Variants in PATJ observed in about 807,000 individuals in gnomAD.
PATJ encodes the protein inaD-like protein.
In PATJ, 190 loss-of-function variants were observed where a neutral mutation model predicts 224.9. That is an observed-to-expected ratio of 0.84 (90% CI 0.75 to 0.95). The LOEUF is 0.95. Among genes scored for constraint, PATJ ranks in the 40% least tolerant of loss-of-function variants. PATJ has a pLI of 0.00. For synonymous variants in PATJ, 769 were observed against 820.3 expected (o/e 0.94, Z 1.07); for missense variants, 2,121 against 2,270.3 (o/e 0.93, Z 1.34).
At chr1:62,146,395 T>C (rs1033960251) in intron 41 of PATJ, among the ~76,000 whole-genome samples, 51 of 152,116 alleles carry the variant, frequency 3.4e-4, no homozygotes, top group African/African-American at 1.2e-3. Flanking sequence ...ATCTGCTCCA[T>C]TGTAACAGAA....
At chr1:61,968,467 G>A (rs1286476433) in intron 27 of PATJ, among the ~76,000 whole-genome samples, 1 of 152,062 alleles carries the variant, frequency 6.6e-6, no homozygotes, top group Non-Finnish European at 1.5e-5. Context: ...CATTTTAAGT[G>A]TACAGTTTAG....
chr1:62,151,521 G>A (rs1668632371), intron 42 of PATJ, among the ~76,000 whole-genome samples: 1 of 152,198 alleles, frequency 6.6e-6, no homozygotes, highest in Non-Finnish European at 1.5e-5. Flanking sequence ...AACCCAGGAG[G>A]CAGAGCTTGC....
At chr1:61,975,056 C>A (rs1442562880) in intron 27 of PATJ, among the ~76,000 whole-genome samples, 1 of 151,968 alleles carries the variant, frequency 6.6e-6, no homozygotes, top group Non-Finnish European at 1.5e-5. Context: ...GCAATCCTCC[C>A]ACTTCAGCCT....
At chr1:61,985,761 G>A (rs12093294) in intron 27 of PATJ, among the ~76,000 whole-genome samples, 41,064 of 151,780 alleles carry the variant, frequency 0.27, 5,950 homozygotes, top group East Asian at 0.45. Context: ...AATGGTTCCC[G>A]CCAGAGGACT....
intron 22 of PATJ, among the ~76,000 whole-genome samples, chr1:61,885,559 A>G (rs1668699471): frequency 6.6e-6 from 1 of 152,124 alleles, no homozygotes; most frequent in Non-Finnish European, 1.5e-5. Context: ...AGAAATAGGA[A>G]CACTTTTACA....
chr1:61,760,614 TTTTTC>T (rs1282649757), intron 1 of PATJ, among the ~76,000 whole-genome samples: 2 of 139,548 alleles, frequency 1.4e-5, no homozygotes, highest in African/African-American at 2.7e-5. Context: ...TTTCTTTTTC[TTTTTC>T]TTTTTTTTTT....
At chr1:62,125,285 T>A (rs1029058460) in intron 39 of PATJ, among the ~76,000 whole-genome samples, 1 of 137,496 alleles carries the variant, frequency 7.3e-6, no homozygotes, top group Non-Finnish European at 1.5e-5. Flanking sequence ...CGCCATTAGC[T>A]CTATAATAGT....
intron 24 of PATJ, among the ~76,000 whole-genome samples, chr1:61,907,989 T>C (rs1411069489): frequency 2.6e-5 from 4 of 152,216 alleles, no homozygotes; most frequent in Non-Finnish European, 4.4e-5. Flanking sequence ...CTGAGCTTAA[T>C]GGAGAGATGA....
At chr1:61,992,100 A>G (rs944107135) in intron 28 of PATJ, among the ~76,000 whole-genome samples, 2 of 149,074 alleles carry the variant, frequency 1.3e-5, no homozygotes, top group East Asian at 2.0e-4. Flanking sequence ...AAAGTATACT[A>G]TGTTCCCTGT....
At chr1:62,062,392 CTTTT>C (rs60747316) in intron 31 of PATJ, among the ~76,000 whole-genome samples, 193 of 28,448 alleles carry the variant, frequency 6.8e-3, no homozygotes, top group Non-Finnish European at 8.5e-3. Context: ...ATGTTGTCTT[CTTTT>C]TTTTTTTTTT....
At chr1:62,019,441 C>A (rs1570096589) in intron 29 of PATJ, among the ~76,000 whole-genome samples, 1 of 151,834 alleles carries the variant, frequency 6.6e-6, no homozygotes, top group Non-Finnish European at 1.5e-5. Flanking sequence ...GCATCTTGAA[C>A]TCAGGAGGCA....
intron 42 of PATJ, among the ~76,000 whole-genome samples, chr1:62,152,030 G>C (rs115111273): frequency 6.6e-6 from 1 of 151,300 alleles, no homozygotes; most frequent in African/African-American, 2.4e-5. Context: ...TCTCCATTTT[G>C]TTTCACCTTG....
intron 3 of PATJ, 57 bp from the exon 4 acceptor site, chr1:61,766,222 A>G: frequency 8.3e-7 from 1 of 1,202,484 alleles, no homozygotes; most frequent in Non-Finnish European, 1.2e-6. Context: ...TATATTTAAT[A>G]AATAGAAACA....
chr1:61,864,758 T>C, intron 20 of PATJ, 125 bp downstream of exon 20: 1 of 768,838 alleles, frequency 1.3e-6, no homozygotes, highest in Non-Finnish European at 2.0e-6. Flanking sequence ...CGTCACTGTT[T>C]ACAAGATGTG....
chr1:61,953,396 A>G (rs772187064), intron 27 of PATJ, among the ~76,000 whole-genome samples: 6 of 152,238 alleles, frequency 3.9e-5, no homozygotes, highest in African/African-American at 7.2e-5. Context: ...GATTTAAGCT[A>G]GCCAACCTTA....
chr1:62,034,335 C>T (rs1649922835), intron 29 of PATJ, among the ~76,000 whole-genome samples: 2 of 150,796 alleles, frequency 1.3e-5, no homozygotes, highest in South Asian at 2.1e-4. Flanking sequence ...CCCAGCTACT[C>T]GAGTGGCTGA....
chr1:61,909,981 G>C (rs1210879443), intron 25 of PATJ, among the ~76,000 whole-genome samples: 1 of 152,182 alleles, frequency 6.6e-6, no homozygotes, highest in Non-Finnish European at 1.5e-5. Flanking sequence ...AAGACTAATT[G>C]AGAGAGGTGA....
intron 1 of PATJ, among the ~76,000 whole-genome samples, chr1:61,746,241 C>A (rs1175458420): frequency 1.3e-5 from 2 of 152,120 alleles, no homozygotes; most frequent in Non-Finnish European, 2.9e-5. Flanking sequence ...CACGCCTGGC[C>A]TCTTTTAAAA....
chr1:61,950,659 T>C (rs1042603014), intron 27 of PATJ, among the ~76,000 whole-genome samples: 2 of 152,204 alleles, frequency 1.3e-5, no homozygotes, highest in African/African-American at 4.8e-5. Flanking sequence ...AAACTGTGTT[T>C]AACAAAATTT....
Sources: allele counts gnomAD v4.1 joint callset (sites outside exome capture counted in the v4.1 genomes callset), GRCh38; gene constraint gnomAD v4.1.1; transcripts MANE v1.5; gene names NCBI Gene and HGNC (gene_info 2026-07-23, HGNC 2026-07-21).